GMFG: variants seen among roughly 807,000 people sequenced by gnomAD.
GMFG encodes glia maturation factor gamma.
Under a neutral mutation model 26.1 loss-of-function variants are expected in GMFG, and 21 were observed. The observed-to-expected ratio is 0.80, with a 90% CI of 0.57 to 1.16. The LOEUF (loss-of-function observed/expected upper bound fraction) is 1.16. Ranked by LOEUF, GMFG falls within the 50% of genes most tolerant of loss-of-function variation. The probability of loss-of-function intolerance (pLI) is 0.00; values close to 1 mark genes in which losing one functional copy is unlikely to be tolerated. For synonymous variants in GMFG, 65 were observed against 60.8 expected (o/e 1.07, Z -0.32); for missense variants, 161 against 178.3 (o/e 0.90, Z 0.55).
Position 39,335,983 on chromosome 19 carries a change from T to C in GMFG, c.-7A>G. The C allele has an allele frequency of 1.2e-6, 2 of 1,602,344 alleles. No individual in the cohort carries two copies. Among genetic ancestry groups the C allele is most frequent in the Non-Finnish European group, 1.7e-6 (2 of 1,169,418 alleles). On this transcript the variant is annotated 5_prime_UTR_variant, in exon 1 of 7. Coordinates refer to ENST00000597595, the MANE Select transcript of GMFG (RefSeq NM_004877.4). ...ACCCCTGGCCCCTGACCATGATTGT[T>C]CTGTCCACAGGCCTCTTCTTTTCTT...
chr19:39,334,706 C>T (rs2075241860), intron 3 of GMFG, among the ~76,000 whole-genome samples: 1 of 152,180 alleles, frequency 6.6e-6, no homozygotes, highest in Non-Finnish European at 1.5e-5. Flanking sequence ...AGAATTAAAT[C>T]ACTGGATGTA....
At chr19:39,332,362 C>T (rs952486562) in intron 4 of GMFG, among the ~76,000 whole-genome samples, 10 of 151,064 alleles carry the variant, frequency 6.6e-5, no homozygotes, top group African/African-American at 1.2e-4. Flanking sequence ...GAGACAAGGT[C>T]TTGCTATGTT....
At chr19:39,332,848 G>C (rs749165340) in intron 4 of GMFG, 1 of 306,332 alleles carries the variant, frequency 3.3e-6, no homozygotes, top group Non-Finnish European at 6.3e-6. Context: ...TAGTAGAGAC[G>C]GGATTTCACC....
At chr19:39,335,870 G>A (rs577538840) in intron 1 of GMFG, 104 bp downstream of exon 1, 39 of 817,116 alleles carry the variant, frequency 4.8e-5, no homozygotes, top group South Asian at 3.0e-4. Flanking sequence ...CCCCCTTCCC[G>A]GCCCGTGACC....
intron 4 of GMFG, among the ~76,000 whole-genome samples, chr19:39,331,023 C>G (rs528537617): frequency 2.6e-5 from 4 of 152,306 alleles, no homozygotes; most frequent in African/African-American, 9.6e-5. Context: ...CAGGTGTGAG[C>G]CACTGCGCTC....
At position 39,335,478 on chromosome 19, in the gene GMFG, C is replaced by T. The variant is rs868855941; in HGVS notation, c.57G>A (p.Arg19=). 1.9e-6 allele frequency: 3 copies of T among 1,613,972 alleles called. No individual in the cohort carries two copies. Among genetic ancestry groups the T allele is most frequent in the Non-Finnish European group, 1.7e-6 (2 of 1,179,848 alleles). Residue 19 remains arginine, a synonymous_variant, in exon 2 of 7, where the codon AGG becomes AGA. Coordinates refer to ENST00000597595, the MANE Select transcript of GMFG (RefSeq NM_004877.4). ...CTGTCTCTTTTCGGAAGCGGAATTT[C>T]CTCAGCTTTTCTGTTAGCTCTGGGT... ...EVDPELTEKL[R]KFRFRKETDN...
At chr19:39,335,927 C>G (rs2075247975) in intron 1 of GMFG, 47 bp downstream of exon 1, 1 of 1,351,094 alleles carries the variant, frequency 7.4e-7, no homozygotes, top group Non-Finnish European at 1.1e-6. Context: ...CAAGCCCCAG[C>G]CCCAACCCCA....
intron 4 of GMFG, among the ~76,000 whole-genome samples, chr19:39,331,886 G>A (rs997180370): frequency 2.0e-5 from 3 of 152,030 alleles, no homozygotes; most frequent in African/African-American, 7.2e-5. Flanking sequence ...TTTTGAGACA[G>A]GGTCTTGCTC....
In GMFG at chr19:39,328,743, G is replaced by A. The variant is rs2075213800; in HGVS notation, c.358-195C>T. On this transcript the variant is annotated intron_variant, in intron 6 of 6. Coordinates refer to ENST00000597595, the MANE Select transcript of GMFG (RefSeq NM_004877.4). ...AAAATACAAAAAGTAGCCAGGTGTG[G>A]TGGCGTGTGCCTGTCGTCCCACTAC... 6.6e-6 allele frequency: 4 copies of A among 610,184 alleles called. No individual in the cohort carries two copies. The Admixed American group carries it at 8.3e-5, about 13-fold the overall frequency. 37.8% of individuals were successfully genotyped at this position (610,184 alleles called of 1,614,324 possible). A position where few individuals can be genotyped will look rare whatever the true frequency, so the allele number is the denominator to read the frequency against.
chr19:39,330,598 T>A (rs1170592519), intron 4 of GMFG, among the ~76,000 whole-genome samples: 1 of 148,830 alleles, frequency 6.7e-6, no homozygotes, highest in Non-Finnish European at 1.5e-5. Context: ...CCAGCTAATT[T>A]TTTTTTTTTT....
intron 4 of GMFG, among the ~76,000 whole-genome samples, chr19:39,330,189 G>A (rs2075220906): frequency 6.6e-6 from 1 of 152,116 alleles, no homozygotes; most frequent in South Asian, 2.1e-4. Flanking sequence ...AAAGTCACTT[G>A]CCTAAGGTTC....
Position 39,335,280 on chromosome 19 carries a change from ACCACCATCTGCCGGTCTTTGT to A in GMFG, c.110_130del (p.Asp37_Val43del), listed in dbSNP as rs1423797811. On this transcript the variant is annotated inframe_deletion, in exon 3 of 7. Transcript: ENST00000597595. Reference sequence around the variant, plus strand: ...CATCACCTGAAATTCTTCCTCCAGCACCACCATCTGCCGGTCTTTGTCCACCTTCACTGGGGAGGGGTGGCA... The same window carrying A: ...CATCACCTGAAATTCTTCCTCCAGCACCACCTTCACTGGGGAGGGGTGGCA... 1.3e-6 allele frequency: 2 copies of A among 1,563,044 alleles called. No individual in the cohort carries two copies. The highest frequency in any genetic ancestry group is 1.7e-6 in the Non-Finnish European group (2 of 1,153,278).
Position 39,329,030 on chromosome 19 carries a change from G to GT in GMFG, c.326dup (p.Asn109LysfsTer19). The GT allele has an allele frequency of 6.2e-7, 1 of 1,613,746 alleles. No homozygotes were observed. Among genetic ancestry groups the GT allele is most frequent in the African/African-American group, 1.3e-5 (1 of 75,022 alleles). On this transcript the variant is annotated frameshift_variant, in exon 6 of 7. Transcript: ENST00000597595. LOFTEE classifies it high-confidence loss of function. ...TGAGCTCTGCTGTCTGCACCAGCCTGTTTTTACTCCCTGCATACATCATCT... is the reference window on the plus strand; with the variant it reads ...TGAGCTCTGCTGTCTGCACCAGCCTGTTTTTTACTCCCTGCATACATCATCT...
At chr19:39,335,147 G>A (rs970356144) in intron 3 of GMFG, 114 bp downstream of exon 3, 38 of 817,104 alleles carry the variant, frequency 4.7e-5, no homozygotes, top group Middle Eastern at 2.8e-4. Flanking sequence ...CACTGTGCTC[G>A]GCCAATCTCC....
At chr19:39,333,458 T>G (rs967815319) in intron 3 of GMFG, among the ~76,000 whole-genome samples, 24 of 151,354 alleles carry the variant, frequency 1.6e-4, no homozygotes, top group African/African-American at 5.8e-4. Flanking sequence ...ACAAAAAAAT[T>G]AGCCAGGCGT....
chr19:39,329,426 A>G, intron 5 of GMFG, 118 bp downstream of exon 5: 1 of 696,108 alleles, frequency 1.4e-6, no homozygotes. Context: ...CCAGTCACAC[A>G]CAGGCTGTCA....
At chr19:39,335,004 C>T (rs2075243209) in intron 3 of GMFG, among the ~76,000 whole-genome samples, 1 of 152,048 alleles carries the variant, frequency 6.6e-6, no homozygotes, top group African/African-American at 2.4e-5. Context: ...TGCCCACCAC[C>T]ATGCCTAGCT....
At chr19:39,329,845 G>A (rs553545643) in intron 4 of GMFG, among the ~76,000 whole-genome samples, 6 of 152,220 alleles carry the variant, frequency 3.9e-5, no homozygotes, top group African/African-American at 1.2e-4. Context: ...TTGGGAGGCC[G>A]AGGCGGGTGG....
chr19:39,335,950 C>T, intron 1 of GMFG, 24 bp downstream of exon 1: 2 of 1,443,456 alleles, frequency 1.4e-6, no homozygotes, highest in Non-Finnish European at 1.9e-6. Context: ...CCCAGCTCTT[C>T]CCATAGAACC....
Sources: gnomAD v4.1 joint callset for allele counts (sites outside exome capture counted in the v4.1 genomes callset) on GRCh38, gnomAD v4.1.1 for gene constraint, MANE v1.5 for transcripts, NCBI Gene and HGNC (gene_info 2026-07-23, HGNC 2026-07-21) for gene names.